The following NTRK2 variants were observed in gnomAD, a reference collection of about 807,000 sequenced individuals.
The protein encoded by NTRK2 is neurotrophic receptor tyrosine kinase 2.
NTRK2 carries 13 observed loss-of-function variants against 94.5 expected under a neutral mutation model. That is an observed-to-expected ratio of 0.14 (90% CI 0.09 to 0.22). The LOEUF (loss-of-function observed/expected upper bound fraction) is 0.22, where lower values mean the gene tolerates loss of function less well. Among genes scored for constraint, NTRK2 ranks in the 10% least tolerant of loss-of-function variants. NTRK2 has a pLI of 1.00. For synonymous variants in NTRK2, 372 were observed against 407.4 expected (o/e 0.91, Z 1.05); for missense variants, 639 against 1,071.2 (o/e 0.60, Z 5.63).
At chr9:84,692,766 G>T (rs753699701) in intron 2 of NTRK2, among the ~76,000 whole-genome samples, 29 of 151,880 alleles carry the variant, frequency 1.9e-4, no homozygotes, top group Admixed American at 3.3e-4. Context: ...CGCGCCCAGG[G>T]TTTACATACA....
At chr9:84,959,819 G>T (rs1044949743) in intron 17 of NTRK2, among the ~76,000 whole-genome samples, 5 of 152,146 alleles carry the variant, frequency 3.3e-5, no homozygotes, top group Admixed American at 1.3e-4. Flanking sequence ...GAGACCTAGG[G>T]TCTCACTCTA....
At chr9:84,962,528 C>T (rs1394856496) in intron 17 of NTRK2, among the ~76,000 whole-genome samples, 4 of 152,122 alleles carry the variant, frequency 2.6e-5, no homozygotes, top group Non-Finnish European at 4.4e-5. Context: ...CTTGAAATCA[C>T]TAGCCCCTAT....
chr9:84,685,277 T>A (rs1437435665), intron 2 of NTRK2, among the ~76,000 whole-genome samples: 1 of 152,136 alleles, frequency 6.6e-6, no homozygotes, highest in Non-Finnish European at 1.5e-5. Flanking sequence ...TACCTTTGTG[T>A]TTGGGCCTGT....
chr9:84,885,255 C>G (rs1461568887), intron 14 of NTRK2, among the ~76,000 whole-genome samples: 1 of 152,148 alleles, frequency 6.6e-6, no homozygotes, highest in African/African-American at 2.4e-5. Context: ...GACCAGAGGC[C>G]TGTTTTCAGA....
intron 12 of NTRK2, among the ~76,000 whole-genome samples, chr9:84,838,388 A>T (rs1189444560): frequency 6.6e-6 from 1 of 152,206 alleles, no homozygotes; most frequent in Non-Finnish European, 1.5e-5. Context: ...AATTGCAGAG[A>T]TAATAAAATA....
chr9:84,679,842 T>G (rs562126441), intron 2 of NTRK2, among the ~76,000 whole-genome samples: 5 of 152,342 alleles, frequency 3.3e-5, no homozygotes, highest in African/African-American at 1.2e-4. Context: ...TGGATGGTTT[T>G]GCAGGTCACC....
chr9:84,812,565 C>T, intron 12 of NTRK2: 1 of 1,046,232 alleles, frequency 9.6e-7, no homozygotes, highest in Non-Finnish European at 1.2e-6. Context: ...AAGAGGCCAG[C>T]TAATAGCAGA....
chr9:84,715,021 C>T (rs1022783159), intron 6 of NTRK2, among the ~76,000 whole-genome samples: 2 of 152,112 alleles, frequency 1.3e-5, no homozygotes, highest in Non-Finnish European at 2.9e-5. Flanking sequence ...TTAAAAGTTT[C>T]CCTTGTTAGT....
intron 14 of NTRK2, among the ~76,000 whole-genome samples, chr9:84,905,382 A>G (rs922683302): frequency 3.3e-5 from 5 of 152,070 alleles, no homozygotes; most frequent in Non-Finnish European, 5.9e-5. Context: ...AGGCATAACT[A>G]AAGAAGGCTG....
chr9:84,736,386 A>G (rs907078714), intron 9 of NTRK2, among the ~76,000 whole-genome samples: 2 of 152,210 alleles, frequency 1.3e-5, no homozygotes, highest in South Asian at 2.1e-4. Context: ...CGAAAGATTC[A>G]TGACATCTGG....
At chr9:84,924,298 G>GA (rs2077682610) in intron 14 of NTRK2, among the ~76,000 whole-genome samples, 1 of 143,822 alleles carries the variant, frequency 7.0e-6, no homozygotes, top group Non-Finnish European at 1.5e-5. Flanking sequence ...AAAGAAAGAG[G>GA]AAAAAAAGGA....
intron 15 of NTRK2, 103 bp downstream of exon 15, chr9:84,934,395 G>C (rs2078143616): frequency 8.2e-7 from 1 of 1,225,764 alleles, no homozygotes; most frequent in Admixed American, 1.8e-5. Flanking sequence ...GGAGTAAATT[G>C]TTCCTGCTAT....
intron 15 of NTRK2, among the ~76,000 whole-genome samples, chr9:84,945,117 G>A (rs1449192351): frequency 1.3e-5 from 2 of 152,138 alleles, no homozygotes; most frequent in Admixed American, 1.3e-4. Flanking sequence ...GAGTGCATTT[G>A]GGCAGCTCCC....
Position 84,872,695 on chromosome 9 carries a change from A to G in NTRK2, c.1633+5264A>G, listed in dbSNP as rs79924742. On this transcript the variant is annotated intron_variant, in intron 14 of 18. Transcript: ENST00000277120. The stretch of plus-strand genomic sequence containing the variant: ...CCATACTTCTCCAGCTATTATAGTT[A>G]ATGTGTGTGTATCCTTGTGTATATG... The G allele has an allele frequency of 1.3e-3, 1,415 of 1,064,948 alleles. 32 individuals carry two copies. In the Admixed American group the frequency reaches 0.04, roughly 30 times the overall value. 66.0% of individuals were successfully genotyped at this position (1,064,948 alleles called of 1,614,324 possible). A position where few individuals can be genotyped will look rare whatever the true frequency, so the allele number is the denominator to read the frequency against.
intron 6 of NTRK2, among the ~76,000 whole-genome samples, chr9:84,711,831 CT>C (rs2061436158): frequency 6.6e-6 from 1 of 152,198 alleles, no homozygotes; most frequent in South Asian, 2.1e-4. Flanking sequence ...GGCCCTGACC[CT>C]TCCCACAGAT....
In NTRK2 at chr9:84,964,086, T is replaced by G. The variant is rs555477378; in HGVS notation, c.2172+8569T>G. Among the ~76,000 whole-genome samples, 8 of 152,352 alleles carry G rather than the reference T, an allele frequency of 5.3e-5. No homozygotes were observed. In the East Asian group the frequency reaches 1.5e-3, roughly 29 times the overall value. ...TCCGTTGATTGAGTTTTCTCCTTATTGTGGGTCATATTTTCTGCTCCTTTG... is the reference window on the plus strand; with the variant it reads ...TCCGTTGATTGAGTTTTCTCCTTATGGTGGGTCATATTTTCTGCTCCTTTG... On this transcript the variant is annotated intron_variant, in intron 17 of 18. Coordinates refer to ENST00000277120, the MANE Select transcript of NTRK2 (RefSeq NM_006180.6).
At chr9:84,797,971 TC>T (rs2069820038) in intron 12 of NTRK2, among the ~76,000 whole-genome samples, 1 of 146,108 alleles carries the variant, frequency 6.8e-6, no homozygotes, top group Admixed American at 7.3e-5. Flanking sequence ...AGTAGTGTGT[TC>T]AGGACTCCTG....
intron 13 of NTRK2, among the ~76,000 whole-genome samples, chr9:84,866,738 G>A (rs1216640204): frequency 2.0e-5 from 3 of 152,064 alleles, no homozygotes; most frequent in South Asian, 2.1e-4. Flanking sequence ...ATTAAAACAC[G>A]TGTCCACATA....
chr9:84,948,472 A>T lies in NTRK2; in HGVS notation c.1775A>T (p.Asp592Val), dbSNP rs2132881171. 6.2e-7 allele frequency: 1 copy of T among 1,614,144 alleles called. No homozygotes were observed. Among genetic ancestry groups the T allele is most frequent in the Non-Finnish European group, 8.5e-7 (1 of 1,180,016 alleles). ...AACACCCATCCCCAGACCCTGAAGGATGCCAGTGACAATGCACGCAAGGAC... is the reference window on the plus strand; with the variant it reads ...AACACCCATCCCCAGACCCTGAAGGTTGCCAGTGACAATGCACGCAAGGAC... ...KILVAVKTLK[D>V]ASDNARKDFH... The change falls in exon 16 of 19, where the codon GAT becomes GTT. Residue 592 changes from aspartate (D) to valine (V), a missense_variant. Asp to Val is a radical substitution (Grantham distance 152, BLOSUM62 -3). This residue lies in a region of NTRK2 where 343 missense variants were observed against 571.5 expected (regional missense o/e 0.60). Transcript: ENST00000277120.
Sources: allele counts gnomAD v4.1 joint callset (sites outside exome capture counted in the v4.1 genomes callset), GRCh38; gene constraint gnomAD v4.1.1; regional missense constraint gnomAD v4.1.1; transcripts MANE v1.5; gene names NCBI Gene and HGNC (gene_info 2026-07-23, HGNC 2026-07-21).